HPSE2: variants seen among roughly 807,000 people sequenced by gnomAD.
HPSE2 encodes heparanase 2 (inactive).
HPSE2 carries 38 observed loss-of-function variants against 60.5 expected under a neutral mutation model. The observed-to-expected ratio is 0.63, with a 90% CI of 0.48 to 0.82. HPSE2 has a LOEUF of 0.82. HPSE2 is among the 40% of genes least tolerant of loss of function. The pLI is 0.00. For missense variants in HPSE2, 713 were observed against 740.4 expected (o/e 0.96, Z 0.43); for synonymous variants, 295 against 293.2 (o/e 1.01, Z -0.06).
the HPSE2 span, among the ~76,000 whole-genome samples, chr10:99,251,270 C>G: frequency 6.6e-5 from 10 of 152,192 alleles, no homozygotes; most frequent in Non-Finnish European, 1.0e-4. Flanking sequence ...TGGAATCATA[C>G]AATCTCTCAA....
At chr10:98,613,780 T>A (rs1292304329) in intron 9 of HPSE2, among the ~76,000 whole-genome samples, 1 of 152,222 alleles carries the variant, frequency 6.6e-6, no homozygotes, top group East Asian at 1.9e-4. Context: ...CTCAGTTAAA[T>A]GAGGTGGAAT....
intron 9 of HPSE2, among the ~76,000 whole-genome samples, chr10:98,585,314 T>G (rs1408568208): frequency 6.7e-6 from 1 of 148,912 alleles, no homozygotes; most frequent in East Asian, 2.1e-4. Context: ...CTCTATCACC[T>G]AGGCTGGAGT....
intron 3 of HPSE2, among the ~76,000 whole-genome samples, chr10:98,932,623 G>A (rs1342396413): frequency 1.4e-5 from 2 of 138,584 alleles, no homozygotes; most frequent in Non-Finnish European, 3.0e-5. Flanking sequence ...TTTTTGGCTG[G>A]TAGGCTATTT....
chr10:99,184,819 T>TAGAGAGAG lies in HPSE2; in HGVS notation c.449-40428_449-40421dup, dbSNP rs1177556672. Among the ~76,000 whole-genome samples the TAGAGAGAG allele has an allele frequency of 1.0e-3, 20 of 19,858 alleles. 1 individual carries two copies. Among genetic ancestry groups the TAGAGAGAG allele is most frequent in the East Asian group, 3.9e-3 (2 of 518 alleles). The allele number at this position is 19,858 out of a possible 152,430, so 13.0% of individuals were successfully genotyped here. A position where few individuals can be genotyped will look rare whatever the true frequency, so the allele number is the denominator to read the frequency against. ...ATATATATATATATATATATATATA[T>TAGAGAGAG]AGAGAGAGAGAGAGAGAGAGAGAGA... On this transcript the variant is annotated intron_variant, in intron 2 of 11. Coordinates refer to ENST00000370552, the MANE Select transcript of HPSE2 (RefSeq NM_021828.5).
chr10:99,187,731 C>G (rs892634238), intron 2 of HPSE2, among the ~76,000 whole-genome samples: 1 of 152,166 alleles, frequency 6.6e-6, no homozygotes, highest in Non-Finnish European at 1.5e-5. Flanking sequence ...AAAAGACTGA[C>G]TATAATAAGC....
At chr10:99,128,604 TC>T (rs1398577156) in intron 3 of HPSE2, among the ~76,000 whole-genome samples, 29 of 152,060 alleles carry the variant, frequency 1.9e-4, no homozygotes, top group Admixed American at 1.9e-3. Context: ...CACCATATGT[TC>T]TCACTTATAA....
chr10:99,101,793 C>T (rs1252255179), intron 3 of HPSE2, among the ~76,000 whole-genome samples: 4 of 152,182 alleles, frequency 2.6e-5, no homozygotes. Context: ...TCTCTCAGAC[C>T]ACAGTGCAAT....
chr10:98,766,916 C>A (rs2484933), intron 3 of HPSE2, among the ~76,000 whole-genome samples: 7,356 of 152,030 alleles, frequency 0.048, 569 homozygotes, highest in African/African-American at 0.16. Flanking sequence ...CAGAGCAAGA[C>A]CCTGTCTCAA....
chr10:99,004,793 G>A (rs1190083344), intron 3 of HPSE2, among the ~76,000 whole-genome samples: 1 of 152,054 alleles, frequency 6.6e-6, no homozygotes. Context: ...CTTTCAACTT[G>A]AAGAACTACC....
chr10:98,611,111 G>C (rs1945745897), intron 9 of HPSE2, among the ~76,000 whole-genome samples: 1 of 152,226 alleles, frequency 6.6e-6, no homozygotes, highest in Admixed American at 6.5e-5. Flanking sequence ...CAGGGGAAGG[G>C]AGTGGGAGTC....
intron 9 of HPSE2, among the ~76,000 whole-genome samples, chr10:98,536,557 G>T (rs982197737): frequency 6.6e-6 from 1 of 152,218 alleles, no homozygotes; most frequent in African/African-American, 2.4e-5. Flanking sequence ...GAAACATCAG[G>T]AAGTGTAGTC....
At chr10:98,943,227 A>G (rs1034684233) in intron 3 of HPSE2, among the ~76,000 whole-genome samples, 13 of 151,886 alleles carry the variant, frequency 8.6e-5, no homozygotes, top group African/African-American at 3.1e-4. Context: ...AACTTAAAGT[A>G]TAATAATAAT....
At chr10:99,136,060 A>G (rs1464135769) in intron 3 of HPSE2, among the ~76,000 whole-genome samples, 1 of 152,206 alleles carries the variant, frequency 6.6e-6, no homozygotes, top group Non-Finnish European at 1.5e-5. Context: ...AGGTGATATC[A>G]CCACCGATCC....
intron 2 of HPSE2, among the ~76,000 whole-genome samples, chr10:99,148,616 C>T (rs1846143413): frequency 6.6e-6 from 1 of 152,042 alleles, no homozygotes; most frequent in Non-Finnish European, 1.5e-5. Flanking sequence ...CCTGGTGAAG[C>T]CCCGTCTCTA....
intron 3 of HPSE2, among the ~76,000 whole-genome samples, chr10:98,779,768 A>G (rs980983886): frequency 2.0e-5 from 3 of 152,188 alleles, no homozygotes; most frequent in Non-Finnish European, 4.4e-5. Context: ...TATAAAATGA[A>G]TAAGACAGTC....
intron 3 of HPSE2, among the ~76,000 whole-genome samples, chr10:98,870,227 A>G (rs567244344): frequency 1.6e-4 from 25 of 152,294 alleles, no homozygotes; most frequent in African/African-American, 5.8e-4. Context: ...ATTGCCTTTC[A>G]ATGATCAGAA....
At chr10:98,690,125 C>G (rs1237004500) in intron 6 of HPSE2, among the ~76,000 whole-genome samples, 1 of 152,174 alleles carries the variant, frequency 6.6e-6, no homozygotes, top group Admixed American at 6.5e-5. Flanking sequence ...GGAGTTCCTT[C>G]TTTTTGAGAT....
the HPSE2 span, among the ~76,000 whole-genome samples, chr10:99,252,974 A>C: frequency 6.6e-6 from 1 of 152,226 alleles, no homozygotes; most frequent in Non-Finnish European, 1.5e-5. Context: ...GCTAAAAGCA[A>C]TCACAGATGA....
At chr10:99,132,237 G>GAAAGAAAAAA (rs1308434482) in intron 3 of HPSE2, among the ~76,000 whole-genome samples, 1 of 20,662 alleles carries the variant, frequency 4.8e-5, no homozygotes, top group African/African-American at 1.1e-4. Context: ...GAGAGAGAGA[G>GAAAGAAAAAA]AGAGAGAAAG....
Sources: allele counts gnomAD v4.1 joint callset (sites outside exome capture counted in the v4.1 genomes callset), GRCh38; gene constraint gnomAD v4.1.1; transcripts MANE v1.5; gene names NCBI Gene and HGNC (gene_info 2026-07-23, HGNC 2026-07-21).